Variants in OTUD5 observed in about 807,000 individuals in gnomAD.
The protein encoded by OTUD5 is OTU deubiquitinase 5, also known as OTU domain-containing protein 5.
In OTUD5, 2 loss-of-function variants were observed where a neutral mutation model predicts 36.3. The observed-to-expected ratio is 0.06, with a 90% CI of 0.02 to 0.17. The LOEUF is 0.17. Ranked by LOEUF, OTUD5 falls within the 10% of genes least tolerant of loss-of-function variation. The probability of loss-of-function intolerance (pLI) is 1.00; values close to 1 mark genes in which losing one functional copy is unlikely to be tolerated. For missense variants in OTUD5, 233 were observed against 512.3 expected, an observed-to-expected ratio of 0.45 and a Z score of 5.26; for synonymous variants, 234 against 214.9, an observed-to-expected ratio of 1.09 and a Z score of -0.78.
At chrX:48,955,240 G>A (rs781924349) in intron 1 of OTUD5, among the ~76,000 whole-genome samples, 94 of 111,871 alleles carry the variant, frequency 8.4e-4, no homozygotes, top group Admixed American at 1.8e-3. Context: ...TAGGGTGTAT[G>A]TAAGTTGTCT....
intron 2 of OTUD5, 108 bp downstream of exon 2, chrX:48,944,081 TA>T (rs1447502140): frequency 5.8e-5 from 31 of 535,056 alleles, no homozygotes; most frequent in Non-Finnish European, 8.1e-5. Flanking sequence ...CTAGAGTCCC[TA>T]AAAGATTAGC....
At chrX:48,954,336 T>C (rs782069480) in intron 1 of OTUD5, among the ~76,000 whole-genome samples, 2 of 110,905 alleles carry the variant, frequency 1.8e-5, no homozygotes, top group East Asian at 5.7e-4. Context: ...TGAGTTACCA[T>C]GGCAGCATAG....
Position 48,949,549 on chromosome X carries a change from G to A in OTUD5, c.595-5266C>T, listed in dbSNP as rs782248119. Among the ~76,000 whole-genome samples the A allele has an allele frequency of 3.6e-5, 4 of 111,161 alleles. No individual in the cohort carries two copies. The South Asian group carries it at 1.5e-3, about 42-fold the overall frequency. ...AAAAATTAGCTGGTCATGGTAGCAG[G>A]CGCCTGTAATCCCAACTACTCAGGA... On this transcript the variant is annotated intron_variant, in intron 1 of 8. Transcript: ENST00000376488.
intron 5 of OTUD5, among the ~76,000 whole-genome samples, chrX:48,929,661 C>T (rs1412386829): frequency 6.5e-5 from 7 of 108,504 alleles, no homozygotes; most frequent in South Asian, 3.9e-4. Context: ...GTAGAGGCTG[C>T]GGTGAGTTGA....
chrX:48,950,878 A>C (rs1457528273), intron 1 of OTUD5, among the ~76,000 whole-genome samples: 1 of 110,207 alleles, frequency 9.1e-6, no homozygotes, highest in Non-Finnish European at 1.9e-5. Context: ...TGTTGTTTTA[A>C]ACCACCCAGT....
Position 48,957,192 on chromosome X carries a change from C to T in OTUD5, c.379G>A (p.Ala127Thr), listed in dbSNP as rs782113365. Reference sequence around the variant, plus strand: ...CCACCCACACCCACCACCACGCCCGCGGCACCCACACCCGCCGCCGCTGCG... The same window carrying T: ...CCACCCACACCCACCACCACGCCCGTGGCACCCACACCCGCCGCCGCTGCG... ...LGAAAAGVGAAGVVVGVGGAV... is the reference protein window; with the variant it reads ...LGAAAAGVGATGVVVGVGGAV... The change falls in exon 1 of 9, where the codon GCG becomes ACG. Residue 127 changes from alanine (A) to threonine (T), a missense_variant. Ala to Thr is a moderately conservative substitution (Grantham distance 58). Around this residue, in one of 3 missense-constraint regions of OTUD5, gnomAD observed 155 missense variants for 217.2 expected, o/e 0.71. Transcript: ENST00000376488. 9.8e-6 allele frequency: 11 copies of T among 1,118,003 alleles called. No homozygotes were observed. The African/African-American group carries it at 2.1e-4, about 21-fold the overall frequency. The allele number at this position is 1,118,003 out of a possible 1,213,427, so 92.1% of individuals were successfully genotyped here.
intron 6 of OTUD5, among the ~76,000 whole-genome samples, chrX:48,924,894 G>A (rs782209982): frequency 1.7e-4 from 19 of 111,649 alleles, no homozygotes; most frequent in African/African-American, 6.2e-4. Context: ...CACAAGGACG[G>A]GGATCTTGGT....
intron 1 of OTUD5, among the ~76,000 whole-genome samples, chrX:48,952,625 G>A (rs1398769033): frequency 8.9e-6 from 1 of 112,118 alleles, no homozygotes; most frequent in African/African-American, 3.2e-5. Flanking sequence ...TGGGAGCAGG[G>A]AGGAGACTAT....
intron 1 of OTUD5, among the ~76,000 whole-genome samples, chrX:48,948,939 G>A (rs2064081945): frequency 9.0e-6 from 1 of 111,674 alleles, no homozygotes. Context: ...TGGTCTAAGG[G>A]CCCAAGTGAA....
chrX:48,935,795 C>T (rs1046392876), intron 2 of OTUD5, among the ~76,000 whole-genome samples: 8 of 109,415 alleles, frequency 7.3e-5, no homozygotes, highest in African/African-American at 2.0e-4. Context: ...AAAAATTAGC[C>T]GGGCATGGTG....
chrX:48,927,275 G>A (rs2063681738), intron 5 of OTUD5, among the ~76,000 whole-genome samples: 2 of 111,047 alleles, frequency 1.8e-5, no homozygotes, highest in Non-Finnish European at 3.8e-5. Context: ...TGTGCGGGCT[G>A]GGGGGAGGGT....
intron 5 of OTUD5, among the ~76,000 whole-genome samples, chrX:48,932,793 T>A (rs1023894223): frequency 2.6e-4 from 29 of 109,713 alleles, no homozygotes; most frequent in Admixed American, 3.9e-4. Context: ...AAAAAAAAAA[T>A]TTTTTTTCAT....
intron 1 of OTUD5, among the ~76,000 whole-genome samples, chrX:48,956,439 C>A (rs782745242): frequency 5.4e-5 from 6 of 111,268 alleles, no homozygotes; most frequent in African/African-American, 2.0e-4. Flanking sequence ...TGTTACCCAG[C>A]GAAGCGGGAG....
chrX:48,949,216 C>A (rs2064086952), intron 1 of OTUD5, among the ~76,000 whole-genome samples: 1 of 111,784 alleles, frequency 8.9e-6, no homozygotes, highest in South Asian at 3.7e-4. Flanking sequence ...AGATATCAAA[C>A]CCTAACCCCC....
At chrX:48,939,195 C>T (rs1557050543) in intron 2 of OTUD5, among the ~76,000 whole-genome samples, 1 of 110,761 alleles carries the variant, frequency 9.0e-6, no homozygotes, top group East Asian at 2.8e-4. Context: ...ACTGCTGGCC[C>T]CAGCTGATAT....
intron 5 of OTUD5, among the ~76,000 whole-genome samples, chrX:48,930,992 C>T (rs931523812): frequency 9.1e-6 from 1 of 109,773 alleles, no homozygotes; most frequent in East Asian, 2.8e-4. Context: ...TATTGATGTA[C>T]GTAATAACTG....
At chrX:48,940,252 G>A (rs1247530227) in intron 2 of OTUD5, 1 of 113,990 alleles carries the variant, frequency 8.8e-6, no homozygotes, top group Non-Finnish European at 1.9e-5. Flanking sequence ...GATTCCCACT[G>A]CAAGGATGAG....
intron 1 of OTUD5, among the ~76,000 whole-genome samples, chrX:48,945,058 A>G (rs2063999422): frequency 4.6e-5 from 5 of 109,881 alleles, no homozygotes; most frequent in African/African-American, 1.3e-4. Context: ...CTAGAAGGCA[A>G]AAGTGTGCAA....
intron 1 of OTUD5, among the ~76,000 whole-genome samples, chrX:48,947,287 AG>A (rs1302767821): frequency 9.0e-6 from 1 of 110,668 alleles, no homozygotes; most frequent in Non-Finnish European, 1.9e-5. Context: ...CAGGAGGCTG[AG>A]GGAGAAGAAT....
Sources: gnomAD v4.1 joint callset for allele counts (sites outside exome capture counted in the v4.1 genomes callset) on GRCh38, gnomAD v4.1.1 for gene constraint, gnomAD v4.1.1 regional missense constraint, MANE v1.5 for transcripts, NCBI Gene and HGNC (gene_info 2026-07-23, HGNC 2026-07-21) for gene names.